The following UTRN variants were observed in gnomAD, a reference collection of about 807,000 sequenced individuals.
UTRN encodes the protein utrophin.
UTRN carries 283 observed loss-of-function variants against 463.9 expected under a neutral mutation model. The observed-to-expected ratio is 0.61, with a 90% CI of 0.55 to 0.67. The LOEUF (loss-of-function observed/expected upper bound fraction) is 0.67, where lower values mean the gene tolerates loss of function less well. UTRN is among the 30% of genes least tolerant of loss of function. The pLI, the probability that UTRN is intolerant of heterozygous loss-of-function variation, is 0.00. For missense variants in UTRN, 3,922 were observed against 4,084.3 expected, an observed-to-expected ratio of 0.96 and a Z score of 1.08; for synonymous variants, 1,442 against 1,431.5, an observed-to-expected ratio of 1.01 and a Z score of -0.17.
rs996775349 is a variant in UTRN at position 144,438,873 on chromosome 6, A to G, written c.1370A>G (p.Gln457Arg). 5.6e-6 allele frequency: 9 copies of G among 1,614,098 alleles called. No homozygotes were observed. The highest frequency in any genetic ancestry group is 3.3e-5 in the Admixed American group (2 of 60,010). Residue 457 changes from glutamine (Q) to arginine (R), a missense_variant, in exon 12 of 75, where the codon CAA (glutamine) becomes CGA (arginine). By Grantham distance (43) the Gln-to-Arg change is conservative. Around this residue, in one of 3 missense-constraint regions of UTRN, gnomAD observed 2,349 missense variants for 2,303.8 expected, o/e 1.02. Transcript: ENST00000367545. ...CPLDDDVKSL[Q>R]KLLEEHKSLQ... is the part of the protein sequence containing the mutation. Reference sequence around the variant, plus strand: ...CTGGATGATGATGTAAAATCTCTACAAAAGCTGCTAGAAGAACATAAAGTA... The same window carrying G: ...CTGGATGATGATGTAAAATCTCTACGAAAGCTGCTAGAAGAACATAAAGTA...
chr6:144,700,356 C>A (rs932206576), intron 53 of UTRN, 113 bp downstream of exon 53: 3 of 1,218,210 alleles, frequency 2.5e-6, no homozygotes, highest in Admixed American at 2.6e-5. Context: ...GGATTCCCCC[C>A]CCCACCACCG....
At chr6:144,778,681 C>CA (rs1238134681) in intron 60 of UTRN, among the ~76,000 whole-genome samples, 1 of 151,964 alleles carries the variant, frequency 6.6e-6, no homozygotes, top group Admixed American at 6.6e-5. Flanking sequence ...GGAGAAGTGT[C>CA]ACTGAAGCCC....
At chr6:144,691,199 C>T (rs975736004) in intron 52 of UTRN, among the ~76,000 whole-genome samples, 2 of 152,234 alleles carry the variant, frequency 1.3e-5, no homozygotes, top group East Asian at 3.8e-4. Flanking sequence ...TCACTACAAC[C>T]TCCATCTCCC....
chr6:144,451,156 T>C (rs1369705425), intron 17 of UTRN, among the ~76,000 whole-genome samples: 1 of 152,204 alleles, frequency 6.6e-6, no homozygotes, highest in Non-Finnish European at 1.5e-5. Context: ...TTTTCTTCAA[T>C]TGTTTATTAA....
intron 51 of UTRN, among the ~76,000 whole-genome samples, chr6:144,606,492 A>G (rs1404429764): frequency 6.6e-6 from 1 of 152,180 alleles, no homozygotes; most frequent in African/African-American, 2.4e-5. Context: ...TTAGTTTTGC[A>G]TTTTCTCATT....
chr6:144,298,827 G>A (rs1401714679), intron 2 of UTRN, among the ~76,000 whole-genome samples: 1 of 152,146 alleles, frequency 6.6e-6, no homozygotes, highest in African/African-American at 2.4e-5. Flanking sequence ...ATATGACTTT[G>A]TGTCTCTAAA....
At position 144,774,326 on chromosome 6, in the gene UTRN, C is replaced by T; in HGVS notation, c.8594C>T (p.Thr2865Ile). 1 of 1,601,798 alleles carries T rather than the reference C, an allele frequency of 6.2e-7. No individual in the cohort carries two copies. The highest frequency in any genetic ancestry group is 8.5e-7 in the Non-Finnish European group (1 of 1,176,404). Residue 2865 changes from threonine (T) to isoleucine (I), a missense_variant, in exon 60 of 75, where the codon ACA becomes ATA. This residue lies in a region of UTRN where 1,309 missense variants were observed against 1,452.6 expected (regional missense o/e 0.90). Coordinates refer to ENST00000367545, the MANE Select transcript of UTRN (RefSeq NM_007124.3). ...LNNVRFSAYR[T>I]AIKIRRLQKA... ...AATGTACGTTTTTCTGCCTACCGTA[C>T]AGCAATCAAAATCCGAAGACTACAA...
intron 58 of UTRN, among the ~76,000 whole-genome samples, chr6:144,768,015 T>C (rs17074149): frequency 0.022 from 3,414 of 152,264 alleles, 127 homozygotes; most frequent in African/African-American, 0.078. Context: ...TGGAAAAATA[T>C]GAGACCACTC....
rs567260496 is a variant in UTRN at position 144,830,572 on chromosome 6, A to G, written c.9665+1717A>G. Among the ~76,000 whole-genome samples the G allele has an allele frequency of 3.9e-5, 6 of 152,322 alleles. No homozygotes were observed. The East Asian group carries it at 7.7e-4, about 20-fold the overall frequency. ...ATTTTACTTCATTTCACTAATATCT[A>G]TGCCCTTGGGATTATTTATTATAAA... On this transcript the variant is annotated intron_variant, in intron 69 of 74. Transcript: ENST00000367545.
At chr6:144,514,087 G>A in intron 36 of UTRN, 50 bp downstream of exon 36, 1 of 1,607,970 alleles carries the variant, frequency 6.2e-7, no homozygotes, top group Non-Finnish European at 8.5e-7. Context: ...ATGTTTTGTT[G>A]TCATGTTTTC....
chr6:144,313,355 G>GA (rs111286897), intron 2 of UTRN, among the ~76,000 whole-genome samples: 2,299 of 123,362 alleles, frequency 0.019, 47 homozygotes, highest in African/African-American at 0.057. Flanking sequence ...TTCTGATACT[G>GA]AAAAAAAAAA....
intron 51 of UTRN, among the ~76,000 whole-genome samples, chr6:144,621,903 C>A (rs1468268383): frequency 6.6e-6 from 1 of 151,950 alleles, no homozygotes; most frequent in Non-Finnish European, 1.5e-5. Context: ...CCTTTTCCAC[C>A]TCCTCTTCCT....
chr6:144,398,455 TG>T, intron 2 of UTRN: 1 of 371,606 alleles, frequency 2.7e-6, no homozygotes, highest in Non-Finnish European at 5.4e-6. Context: ...TGGAAGCATG[TG>T]CTGGCATTTT....
chr6:144,336,982 G>C (rs1010099212), intron 2 of UTRN, among the ~76,000 whole-genome samples: 21 of 152,102 alleles, frequency 1.4e-4, no homozygotes, highest in African/African-American at 4.6e-4. Context: ...GCATCACTTG[G>C]CTTCCATGTA....
chr6:144,706,400 G>A (rs767282154), intron 53 of UTRN, among the ~76,000 whole-genome samples: 6 of 151,968 alleles, frequency 3.9e-5, no homozygotes, highest in Non-Finnish European at 8.8e-5. Flanking sequence ...AGAGGAACAT[G>A]AGAGGCACAG....
At chr6:144,433,552 G>A (rs369137955) in intron 9 of UTRN, among the ~76,000 whole-genome samples, 33 of 150,912 alleles carry the variant, frequency 2.2e-4, no homozygotes, top group African/African-American at 6.8e-4. Context: ...CAGATGGGGC[G>A]GCTGCCGGGC....
chr6:144,680,290 T>C (rs137979046), intron 52 of UTRN, among the ~76,000 whole-genome samples: 1 of 152,154 alleles, frequency 6.6e-6, no homozygotes, highest in African/African-American at 2.4e-5. Context: ...ACAAGAAATT[T>C]TTGGTCTTTC....
At chr6:144,486,362 G>A (rs1158447898) in intron 28 of UTRN, among the ~76,000 whole-genome samples, 2 of 152,104 alleles carry the variant, frequency 1.3e-5, no homozygotes, top group Non-Finnish European at 1.5e-5. Flanking sequence ...GAGTGAATAC[G>A]TATATATTCT....
intron 41 of UTRN, among the ~76,000 whole-genome samples, chr6:144,525,832 T>G (rs947372001): frequency 5.9e-5 from 9 of 152,166 alleles, no homozygotes; most frequent in African/African-American, 1.9e-4. Flanking sequence ...CTATGCACAT[T>G]CCTCTTAGTA....
Sources: allele counts gnomAD v4.1 joint callset (sites outside exome capture counted in the v4.1 genomes callset), GRCh38; gene constraint gnomAD v4.1.1; regional missense constraint gnomAD v4.1.1; transcripts MANE v1.5; gene names NCBI Gene and HGNC (gene_info 2026-07-23, HGNC 2026-07-21).